UBA2: variants seen among roughly 807,000 people sequenced by gnomAD.
The protein encoded by UBA2 is ubiquitin like modifier activating enzyme 2.
UBA2 carries 11 observed loss-of-function variants against 77.2 expected under a neutral mutation model. The ratio of observed to expected loss-of-function variants is 0.14; its 90% CI spans 0.09 to 0.24. The LOEUF is 0.24. Among genes scored for constraint, UBA2 ranks in the 10% least tolerant of loss-of-function variants. The probability of loss-of-function intolerance (pLI) is 1.00; values close to 1 mark genes in which losing one functional copy is unlikely to be tolerated. For synonymous variants in UBA2, 278 were observed against 276.7 expected, an observed-to-expected ratio of 1.00 and a Z score of -0.05; for missense variants, 487 against 781.7, an observed-to-expected ratio of 0.62 and a Z score of 4.50.
intron 14 of UBA2, among the ~76,000 whole-genome samples, chr19:34,462,006 C>A (rs2075636726): frequency 6.6e-6 from 1 of 152,118 alleles, no homozygotes. Context: ...GTGAAACAAC[C>A]TAAACTGCCT....
rs774695616 is a variant in UBA2 at position 34,466,871 on chromosome 19, C to T, written c.1605-7C>T. 11 of 1,612,202 alleles carry T rather than the reference C, an allele frequency of 6.8e-6. No individual in the cohort carries two copies. In the Admixed American group the frequency reaches 1.8e-4, roughly 27 times the overall value. ...TCATAGCAGTGACCTGTGTGATTCT[C>T]CTACAGTGAAGACCTAGGAAAGGAC... On this transcript the variant is annotated splice_region_variant and splice_polypyrimidine_tract_variant and intron_variant, in intron 15 of 16. Coordinates refer to ENST00000246548, the MANE Select transcript of UBA2 (RefSeq NM_005499.3).
Position 34,464,117 on chromosome 19 carries a change from C to A in UBA2, c.1590C>A (p.Ile530=). 1 of 1,604,402 alleles carries A rather than the reference C, an allele frequency of 6.2e-7. No homozygotes were observed. The highest frequency in any genetic ancestry group is 8.5e-7 in the Non-Finnish European group (1 of 1,171,266). Reference sequence around the variant, plus strand: ...TCCTCCAGGACTATACTTTATTGATCAACATCCTTCATAGGTAAGAGCTAT... The same window carrying A: ...TCCTCCAGGACTATACTTTATTGATAAACATCCTTCATAGGTAAGAGCTAT... ...DDFLQDYTLL[I]NILHSEDLGK... Residue 530 remains isoleucine, a synonymous_variant, in exon 15 of 17, where the codon ATC becomes ATA. Transcript: ENST00000246548.
At chr19:34,457,194 A>ATG (rs2075577200) in intron 12 of UBA2, among the ~76,000 whole-genome samples, 2 of 127,804 alleles carry the variant, frequency 1.6e-5, no homozygotes, top group Non-Finnish European at 3.2e-5. Flanking sequence ...ATATATATAT[A>ATG]TATATATATA....
intron 8 of UBA2, among the ~76,000 whole-genome samples, chr19:34,446,608 C>CTTTT (rs764109454): frequency 6.9e-6 from 1 of 145,152 alleles, no homozygotes; most frequent in African/African-American, 2.7e-5. Context: ...TTTTTTTTTT[C>CTTTT]TTTCTTTTTT....
chr19:34,442,366 A>T (rs973251018), intron 6 of UBA2, among the ~76,000 whole-genome samples: 6 of 152,262 alleles, frequency 3.9e-5, no homozygotes, highest in African/African-American at 1.2e-4. Flanking sequence ...AGACCATAGT[A>T]AGCTACAGAT....
chr19:34,456,154 G>C (rs2075560479), intron 12 of UBA2, among the ~76,000 whole-genome samples: 1 of 128,262 alleles, frequency 7.8e-6, no homozygotes, highest in Admixed American at 9.4e-5. Flanking sequence ...ACCCAGGCTG[G>C]AGTACAGTGG....
At chr19:34,428,791 C>T in intron 1 of UBA2, 1 of 1,147,458 alleles carries the variant, frequency 8.7e-7, no homozygotes, top group African/African-American at 1.6e-5. Context: ...GCTCCGGACG[C>T]CGAGGAGGCC....
In UBA2 at chr19:34,467,031, C is replaced by A; in HGVS notation, c.1741+17C>A. 6.2e-7 allele frequency: 1 copy of A among 1,605,420 alleles called. No homozygotes were observed. Among genetic ancestry groups the A allele is most frequent in the Non-Finnish European group, 8.5e-7 (1 of 1,173,204 alleles). ...CCTCCACAGGTGAGTATGGCCCCAGCCAGCAGGTTGTTAAATACCCACAAA... is the reference window on the plus strand; with the variant it reads ...CCTCCACAGGTGAGTATGGCCCCAGACAGCAGGTTGTTAAATACCCACAAA... On this transcript the variant is annotated intron_variant, in intron 16 of 16. Transcript: ENST00000246548.
intron 4 of UBA2, among the ~76,000 whole-genome samples, chr19:34,433,683 A>C (rs8109261): frequency 1.3e-5 from 2 of 152,162 alleles, no homozygotes; most frequent in Admixed American, 6.5e-5. Context: ...ACTGTGGCTC[A>C]GCACAGTGGC....
chr19:34,436,698 A>G (rs1247158982), intron 5 of UBA2, among the ~76,000 whole-genome samples: 1 of 150,192 alleles, frequency 6.7e-6, no homozygotes, highest in Non-Finnish European at 1.5e-5. Flanking sequence ...TTACATTTGA[A>G]GAGTCGTTTT....
At chr19:34,438,361 C>A (rs1422605334) in intron 5 of UBA2, among the ~76,000 whole-genome samples, 1 of 152,094 alleles carries the variant, frequency 6.6e-6, no homozygotes, top group Non-Finnish European at 1.5e-5. Flanking sequence ...AAGGTAAACT[C>A]ATATTTGACA....
intron 12 of UBA2, among the ~76,000 whole-genome samples, chr19:34,457,279 A>G (rs2145554406): frequency 6.8e-6 from 1 of 146,698 alleles, no homozygotes; most frequent in East Asian, 2.0e-4. Context: ...AGGCAGGAGA[A>G]TCACTTGAAC....
At chr19:34,434,174 G>A (rs2085630983) in intron 4 of UBA2, among the ~76,000 whole-genome samples, 1 of 152,156 alleles carries the variant, frequency 6.6e-6, no homozygotes, top group African/African-American at 2.4e-5. Flanking sequence ...GAGTGCACTG[G>A]TGTGATCATA....
intron 5 of UBA2, among the ~76,000 whole-genome samples, chr19:34,438,235 A>AC (rs1204501253): frequency 6.6e-6 from 1 of 151,622 alleles, no homozygotes; most frequent in African/African-American, 2.4e-5. Context: ...AAAAAAAAAA[A>AC]ACACATATAA....
chr19:34,430,496 G>T (rs951478635), intron 1 of UBA2, 80 bp from the exon 2 acceptor site: 6 of 1,037,322 alleles, frequency 5.8e-6, no homozygotes, highest in Admixed American at 2.1e-5. Context: ...AAAAGTTCTG[G>T]ATTACAGGTG....
rs543842037 is a variant in UBA2 at position 34,434,982 on chromosome 19, T to C, written c.459+14T>C. The C allele has an allele frequency of 3.9e-6, 6 of 1,541,292 alleles. No individual in the cohort carries two copies. Among genetic ancestry groups the C allele is most frequent in the Non-Finnish European group, 4.4e-6 (5 of 1,128,708 alleles). ...ACTATCAAAAAGGTAAAGAAAAGTT[T>C]TATTTTTTTAACTTCCCAAATATTT... is the stretch of plus-strand genomic sequence containing the variant. On this transcript the variant is annotated intron_variant, in intron 5 of 16. Coordinates refer to ENST00000246548, the MANE Select transcript of UBA2 (RefSeq NM_005499.3).
rs772722686 is a variant in UBA2 at position 34,467,004 on chromosome 19, C to T, written c.1731C>T (p.Ser577=). 2 of 1,614,008 alleles carry T rather than the reference C, an allele frequency of 1.2e-6. No homozygotes were observed. The highest frequency in any genetic ancestry group is 2.2e-5 in the East Asian group (1 of 44,880). ...GCAGTGATGATGGAGCTCAGCCCTC[C>T]ACCTCCACAGGTGAGTATGGCCCCA... ...TNGSDDGAQP[S]TSTAQEQDDV... The change falls in exon 16 of 17, where the codon TCC becomes TCT. Residue 577 remains serine, a synonymous_variant. Transcript: ENST00000246548.
At chr19:34,445,150 A>G in intron 8 of UBA2, 29 bp downstream of exon 8, 3 of 1,598,616 alleles carry the variant, frequency 1.9e-6, no homozygotes, top group South Asian at 1.1e-5. Flanking sequence ...ATAATCATGG[A>G]TAGATGTATT....
intron 13 of UBA2, among the ~76,000 whole-genome samples, chr19:34,459,296 TG>T (rs1471932327): frequency 1.3e-5 from 2 of 152,320 alleles, no homozygotes; most frequent in East Asian, 3.9e-4. Context: ...AGTATTTGCA[TG>T]CAGTGCAAAG....
Sources: allele counts gnomAD v4.1 joint callset (sites outside exome capture counted in the v4.1 genomes callset), GRCh38; gene constraint gnomAD v4.1.1; transcripts MANE v1.5; gene names NCBI Gene and HGNC (gene_info 2026-07-23, HGNC 2026-07-21).